KDELR2: variants seen among roughly 807,000 people sequenced by gnomAD.
KDELR2 encodes the protein KDEL endoplasmic reticulum protein retention receptor 2.
A neutral mutation model predicts 23.9 loss-of-function variants in KDELR2; 15 were observed. That is an observed-to-expected ratio of 0.63 (90% confidence interval 0.42 to 0.97). KDELR2 has a LOEUF of 0.97. Among genes scored for constraint, KDELR2 ranks in the 50% least tolerant of loss-of-function variants. The pLI, the probability that KDELR2 is intolerant of heterozygous loss-of-function variation, is 0.00. For synonymous variants in KDELR2, 119 were observed against 106.2 expected, an observed-to-expected ratio of 1.12 and a Z score of -0.74; for missense variants, 272 against 254.6, an observed-to-expected ratio of 1.07 and a Z score of -0.46.
At chr7:6,474,507 A>G (rs1004245442) in intron 1 of KDELR2, among the ~76,000 whole-genome samples, 2 of 152,162 alleles carry the variant, frequency 1.3e-5, no homozygotes, top group African/African-American at 2.4e-5. Flanking sequence ...CTGTCTCACT[A>G]TAAAGGGCGA....
At chr7:6,479,950 G>C (rs1253699953) in intron 1 of KDELR2, among the ~76,000 whole-genome samples, 1 of 152,196 alleles carries the variant, frequency 6.6e-6, no homozygotes, top group Non-Finnish European at 1.5e-5. Context: ...AAGCTTCTTG[G>C]AGTACTCCAC....
At chr7:6,475,016 G>A (rs990444385) in intron 1 of KDELR2, among the ~76,000 whole-genome samples, 2 of 152,138 alleles carry the variant, frequency 1.3e-5, no homozygotes, top group African/African-American at 4.8e-5. Context: ...GTCATTAAGG[G>A]GGATGAGGAG....
In KDELR2 at chr7:6,461,490, G is replaced by A. The variant is rs917253981; in HGVS notation, c.*1651C>T. On this transcript the variant is annotated 3_prime_UTR_variant, in exon 5 of 5. Transcript: ENST00000258739. ...CTCCTTCCACACTCCGAATCTTCAA[G>A]CAGGATGAAAAGAGACCACAGAAAC... 1 of 151,872 alleles carries A rather than the reference G, an allele frequency of 6.6e-6. No homozygotes were observed. The highest frequency in any genetic ancestry group is 2.4e-5 in the African/African-American group (1 of 41,318). The allele number at this position is 151,872 out of a possible 1,614,324, so 9.4% of individuals were successfully genotyped here.
At chr7:6,463,231 A>T in intron 4 of KDELR2, 56 bp from the exon 5 acceptor site, 1 of 1,421,324 alleles carries the variant, frequency 7.0e-7, no homozygotes. Flanking sequence ...TGACAAACTT[A>T]GCTTCCTTCT....
At chr7:6,483,913 G>A in intron 1 of KDELR2, 54 bp downstream of exon 1, 1 of 1,355,334 alleles carries the variant, frequency 7.4e-7, no homozygotes, top group Non-Finnish European at 9.6e-7. Flanking sequence ...GCGGGTCCTC[G>A]GCGAGACCCG....
intron 1 of KDELR2, among the ~76,000 whole-genome samples, chr7:6,483,203 G>C (rs753016361): frequency 7.2e-5 from 11 of 152,138 alleles, no homozygotes; most frequent in Non-Finnish European, 1.3e-4. Context: ...GCCCATAGGA[G>C]GCCTCGGCGG....
intron 1 of KDELR2, among the ~76,000 whole-genome samples, chr7:6,475,908 AT>A (rs1375333938): frequency 1.3e-5 from 2 of 152,282 alleles, no homozygotes; most frequent in East Asian, 3.9e-4. Context: ...TGAAAAGCAC[AT>A]TATTTTTCTT....
At chr7:6,482,117 C>T (rs1347351264) in intron 1 of KDELR2, among the ~76,000 whole-genome samples, 1 of 152,142 alleles carries the variant, frequency 6.6e-6, no homozygotes, top group Non-Finnish European at 1.5e-5. Context: ...ATTCTCCTGC[C>T]TCAGCCTACC....
intron 2 of KDELR2, among the ~76,000 whole-genome samples, chr7:6,470,716 T>TA (rs1300097041): frequency 1.3e-5 from 2 of 152,162 alleles, no homozygotes; most frequent in Non-Finnish European, 2.9e-5. Flanking sequence ...TTTGTAAACA[T>TA]ATACTTCTTG....
In KDELR2 at chr7:6,476,814, C is replaced by T. The variant is rs577691316; in HGVS notation, c.92-2530G>A. 2.0e-4 allele frequency among the ~76,000 whole-genome samples: 31 copies of T among 152,244 alleles called. 1 individual carries two copies. The East Asian group carries it at 5.8e-3, about 28-fold the overall frequency. ...CCAGCTGCTGCCCTAGCTCCAATTACAGTACTTATAAAAATACACTGTGAT... is the reference window on the plus strand; with the variant it reads ...CCAGCTGCTGCCCTAGCTCCAATTATAGTACTTATAAAAATACACTGTGAT... On this transcript the variant is annotated intron_variant, in intron 1 of 4. Transcript: ENST00000258739.
chr7:6,476,988 GAA>G (rs57555196), intron 1 of KDELR2, among the ~76,000 whole-genome samples: 3,372 of 152,270 alleles, frequency 0.022, 116 homozygotes, highest in African/African-American at 0.077. Context: ...TTTGCTGAAT[GAA>G]TAAATGGACA....
chr7:6,474,087 G>C, intron 2 of KDELR2, 97 bp downstream of exon 2: 1 of 739,950 alleles, frequency 1.4e-6, no homozygotes, highest in African/African-American at 1.8e-5. Context: ...ATTATTTTTG[G>C]AGCATTTTAA....
intron 2 of KDELR2, chr7:6,470,076 C>T: frequency 5.3e-6 from 1 of 188,492 alleles, no homozygotes; most frequent in Non-Finnish European, 1.1e-5. Context: ...CATAGTTTTG[C>T]CTTTTCTAGA....
chr7:6,477,644 C>G (rs866957988), intron 1 of KDELR2, among the ~76,000 whole-genome samples: 14 of 152,154 alleles, frequency 9.2e-5, no homozygotes, highest in African/African-American at 3.4e-4. Flanking sequence ...CCTACTGGGC[C>G]AGGTTAAATG....
chr7:6,473,865 T>C (rs1234817707), intron 2 of KDELR2, among the ~76,000 whole-genome samples: 1 of 152,166 alleles, frequency 6.6e-6, no homozygotes, highest in Admixed American at 6.5e-5. Context: ...GGCTTGAAAA[T>C]ATAATAGTTA....
At chr7:6,481,969 G>GTTTATTTATTTATTTA (rs66801708) in intron 1 of KDELR2, among the ~76,000 whole-genome samples, 10 of 147,284 alleles carry the variant, frequency 6.8e-5, no homozygotes, top group Admixed American at 6.1e-4. Context: ...TCCTAAGGTC[G>GTTTATTTATTTATTTA]TTTATTTATT....
In KDELR2 at chr7:6,484,059, G is replaced by A. The variant is rs1464830727; in HGVS notation, c.-2C>T. The A allele has an allele frequency of 6.7e-7, 1 of 1,488,082 alleles. No individual in the cohort carries two copies. The highest frequency in any genetic ancestry group is 9.0e-7 in the Non-Finnish European group (1 of 1,113,718). 92.2% of individuals were successfully genotyped at this position (1,488,082 alleles called of 1,614,324 possible). A position where few individuals can be genotyped will look rare whatever the true frequency, so the allele number is the denominator to read the frequency against. On this transcript the variant is annotated 5_prime_UTR_variant, in exon 1 of 5. Coordinates refer to ENST00000258739, the MANE Select transcript of KDELR2 (RefSeq NM_006854.4). Reference sequence around the variant, plus strand: ...CCCAGTCAGCCGGAAAATGTTCATGGCGGCGGCGGCGGTGGCGGTCGGCGC... The same window carrying A: ...CCCAGTCAGCCGGAAAATGTTCATGACGGCGGCGGCGGTGGCGGTCGGCGC...
In KDELR2 at chr7:6,479,392, T is replaced by G. The variant is rs554501814; in HGVS notation, c.91+4575A>C. Among the ~76,000 whole-genome samples, 190 of 152,306 alleles carry G rather than the reference T, an allele frequency of 1.2e-3. 1 individual carries two copies. The highest frequency in any genetic ancestry group is 4.5e-3 in the African/African-American group (186 of 41,578). ...CTGGTTTTGAACTCCTGTGCTCAAG[T>G]GATCCACCCACCTTGGCCTCCTAAA... is the stretch of plus-strand genomic sequence containing the variant. On this transcript the variant is annotated intron_variant, in intron 1 of 4. Transcript: ENST00000258739.
At chr7:6,475,224 C>T (rs1785728694) in intron 1 of KDELR2, among the ~76,000 whole-genome samples, 1 of 152,078 alleles carries the variant, frequency 6.6e-6, no homozygotes, top group Non-Finnish European at 1.5e-5. Flanking sequence ...GGGAGAATCG[C>T]TTGAGCCCAG....
Sources: allele counts gnomAD v4.1 joint callset (sites outside exome capture counted in the v4.1 genomes callset), GRCh38; gene constraint gnomAD v4.1.1; transcripts MANE v1.5; gene names NCBI Gene and HGNC (gene_info 2026-07-23, HGNC 2026-07-21).